The following RHOT1 variants were observed in gnomAD, a reference collection of about 807,000 sequenced individuals.
RHOT1 encodes ras homolog family member T1.
A neutral mutation model predicts 95.3 loss-of-function variants in RHOT1; 27 were observed. The ratio of observed to expected loss-of-function variants is 0.28; its 90% confidence interval spans 0.21 to 0.39. The LOEUF is 0.39. Among genes scored for constraint, RHOT1 ranks in the 10% least tolerant of loss-of-function variants. The pLI is 1.00. For missense variants in RHOT1, 578 were observed against 786.7 expected (o/e 0.73, Z 3.17); for synonymous variants, 227 against 263.5 (o/e 0.86, Z 1.34).
At chr17:32,166,677 C>T (rs935841599) in intron 1 of RHOT1, among the ~76,000 whole-genome samples, 1 of 152,200 alleles carries the variant, frequency 6.6e-6, no homozygotes, top group Admixed American at 6.5e-5. Context: ...CAAGAAACCA[C>T]ATTCTTTGCT....
intron 19 of RHOT1, among the ~76,000 whole-genome samples, chr17:32,215,665 G>A (rs1261763071): frequency 6.6e-6 from 1 of 152,032 alleles, no homozygotes; most frequent in Non-Finnish European, 1.5e-5. Flanking sequence ...TTCCTTTTAT[G>A]AGAAAAAAAT....
At position 32,220,443 on chromosome 17, in the gene RHOT1, CATA is replaced by C. The variant is rs766642035; in HGVS notation, c.1863-4170_1863-4168del. On this transcript the variant is annotated intron_variant, in intron 19 of 19. Transcript: ENST00000545287. ...ATAATCCAGCTATTTAGAATGTTTC[CATA>C]ATTGATGAAGAAGTCCATACCTTAT... 6.6e-5 allele frequency among the ~76,000 whole-genome samples: 10 copies of C among 152,110 alleles called. 1 individual carries two copies. Among genetic ancestry groups the C allele is most frequent in the Non-Finnish European group, 1.0e-4 (7 of 68,036 alleles).
chr17:32,142,801 C>T (rs2030564174), intron 1 of RHOT1, 72 bp downstream of exon 1: 1 of 1,316,842 alleles, frequency 7.6e-7, no homozygotes, highest in African/African-American at 1.5e-5. Context: ...TCGCCCCTGT[C>T]GCCCCTGCAG....
chr17:32,210,194 T>C (rs1279565843), intron 18 of RHOT1, among the ~76,000 whole-genome samples: 1 of 152,146 alleles, frequency 6.6e-6, no homozygotes, highest in Non-Finnish European at 1.5e-5. Flanking sequence ...ATTCATCAGG[T>C]GGCGCTCTTC....
At chr17:32,167,907 G>T (rs1376404560) in intron 1 of RHOT1, among the ~76,000 whole-genome samples, 1 of 151,840 alleles carries the variant, frequency 6.6e-6, no homozygotes, top group Non-Finnish European at 1.5e-5. Flanking sequence ...TGGTGGCGTG[G>T]CCTGTGATAC....
Position 32,211,267 on chromosome 17 carries a change from G to A in RHOT1, c.1862+29G>A, listed in dbSNP as rs995710160. Reference sequence around the variant, plus strand: ...CTTAACTTTATTTACTGGGTACCAGGCATTCTGTTAAAATACAAAAGAAAA... The same window carrying A: ...CTTAACTTTATTTACTGGGTACCAGACATTCTGTTAAAATACAAAAGAAAA... On this transcript the variant is annotated intron_variant, in intron 19 of 19. Transcript: ENST00000545287. The A allele has an allele frequency of 1.0e-5, 16 of 1,559,110 alleles. No individual in the cohort carries two copies. The highest frequency in any genetic ancestry group is 1.2e-5 in the Non-Finnish European group (14 of 1,143,936).
chr17:32,183,483 T>G (rs566663119), intron 8 of RHOT1, among the ~76,000 whole-genome samples: 3 of 152,336 alleles, frequency 2.0e-5, no homozygotes, highest in Non-Finnish European at 2.9e-5. Flanking sequence ...TCTAATCAAG[T>G]ACTGCTTCAG....
At chr17:32,212,996 A>G (rs1185674515) in intron 19 of RHOT1, among the ~76,000 whole-genome samples, 3 of 152,160 alleles carry the variant, frequency 2.0e-5, no homozygotes, top group African/African-American at 7.2e-5. Flanking sequence ...CGACTAGTCC[A>G]GAACAGTGGG....
intron 6 of RHOT1, among the ~76,000 whole-genome samples, chr17:32,182,129 C>T (rs1196194370): frequency 2.0e-5 from 3 of 152,122 alleles, no homozygotes; most frequent in Non-Finnish European, 4.4e-5. Flanking sequence ...TATTTATTTC[C>T]TGCATAGTAC....
rs190629494 is a variant in RHOT1 at position 32,189,165 on chromosome 17, G to A, written c.541-3036G>A. ...TACAAAAAAATTAGCTGGGCGTGGTGGCGGGCACCTGTAGCCCTAGCTACT... is the reference window on the plus strand; with the variant it reads ...TACAAAAAAATTAGCTGGGCGTGGTAGCGGGCACCTGTAGCCCTAGCTACT... On this transcript the variant is annotated intron_variant, in intron 8 of 19. Transcript: ENST00000545287. Among the ~76,000 whole-genome samples the A allele has an allele frequency of 3.5e-3, 529 of 152,298 alleles. 1 individual carries two copies. The highest frequency in any genetic ancestry group is 5.9e-3 in the Non-Finnish European group (403 of 68,032).
chr17:32,187,834 G>A (rs1257477979), intron 8 of RHOT1, among the ~76,000 whole-genome samples: 1 of 152,196 alleles, frequency 6.6e-6, no homozygotes, highest in East Asian at 1.9e-4. Context: ...CTTTCAAAGT[G>A]CAGGGATTAC....
chr17:32,202,640 T>C, intron 14 of RHOT1, 130 bp from the exon 15 acceptor site: 1 of 648,994 alleles, frequency 1.5e-6, no homozygotes. Flanking sequence ...GTACAATATG[T>C]TTGTTTATAG....
intron 18 of RHOT1, among the ~76,000 whole-genome samples, chr17:32,209,900 C>G (rs2038007915): frequency 6.7e-6 from 1 of 149,266 alleles, no homozygotes; most frequent in African/African-American, 2.5e-5. Context: ...TGACAGCTGG[C>G]AGAGACTTAG....
At chr17:32,180,905 GA>G (rs1270309420) in intron 6 of RHOT1, among the ~76,000 whole-genome samples, 1 of 152,200 alleles carries the variant, frequency 6.6e-6, no homozygotes, top group East Asian at 1.9e-4. Context: ...GGATAGTTTT[GA>G]GCTCCTGGTC....
intron 1 of RHOT1, among the ~76,000 whole-genome samples, chr17:32,156,374 C>T (rs190454140): frequency 2.7e-4 from 41 of 152,338 alleles, no homozygotes; most frequent in Admixed American, 2.7e-3. Context: ...TCAGATGATC[C>T]TCCCACCTCA....
chr17:32,224,380 A>G (rs1448848115), intron 19 of RHOT1, among the ~76,000 whole-genome samples: 2 of 152,080 alleles, frequency 1.3e-5, no homozygotes, highest in East Asian at 1.9e-4. Flanking sequence ...TTAGATGTCT[A>G]CTCCCACAAA....
At chr17:32,203,266 CTTCTTTTTTTTT>C (rs1321742247) in intron 15 of RHOT1, among the ~76,000 whole-genome samples, 5 of 108,644 alleles carry the variant, frequency 4.6e-5, no homozygotes, top group Admixed American at 1.8e-4. Context: ...TCTTCTTCTT[CTTCTTTTTTTTT>C]TTTTTTTTTT....
At chr17:32,146,680 G>A (rs1166579450) in intron 1 of RHOT1, among the ~76,000 whole-genome samples, 1 of 145,228 alleles carries the variant, frequency 6.9e-6, no homozygotes, top group Admixed American at 7.1e-5. Flanking sequence ...GGATGGTCTC[G>A]ATCTCCTGAC....
intron 3 of RHOT1, 140 bp downstream of exon 3, chr17:32,174,052 A>G: frequency 3.0e-6 from 2 of 656,674 alleles, no homozygotes; most frequent in Non-Finnish European, 5.4e-6. Flanking sequence ...TTCTTATCTC[A>G]TTTATGTCTG....
Sources: gnomAD v4.1 joint callset for allele counts (sites outside exome capture counted in the v4.1 genomes callset) on GRCh38, gnomAD v4.1.1 for gene constraint, MANE v1.5 for transcripts, NCBI Gene and HGNC (gene_info 2026-07-23, HGNC 2026-07-21) for gene names.